The following CSRNP3 variants were observed in gnomAD, a reference collection of about 807,000 sequenced individuals.
CSRNP3 encodes cysteine and serine rich nuclear protein 3, also known as cysteine/serine-rich nuclear protein 3.
In CSRNP3, 12 loss-of-function variants were observed where a neutral mutation model predicts 48.0. That is an observed-to-expected ratio of 0.25 (90% CI 0.16 to 0.41). The LOEUF (loss-of-function observed/expected upper bound fraction) is 0.41. Ranked by LOEUF, CSRNP3 falls within the 10% of genes least tolerant of loss-of-function variation. The probability of loss-of-function intolerance (pLI) is 1.00; values close to 1 mark genes in which losing one functional copy is unlikely to be tolerated. For missense variants in CSRNP3, 580 were observed against 724.4 expected, an observed-to-expected ratio of 0.80 and a Z score of 2.29; for synonymous variants, 263 against 269.7, an observed-to-expected ratio of 0.98 and a Z score of 0.24.
At chr2:165,607,880 C>T (rs1246611295) in intron 4 of CSRNP3, among the ~76,000 whole-genome samples, 1 of 151,888 alleles carries the variant, frequency 6.6e-6, no homozygotes, top group Non-Finnish European at 1.5e-5. Flanking sequence ...TAACCTGTTT[C>T]TTCTTTCGCA....
At chr2:165,490,813 G>T (rs1684195209) in intron 1 of CSRNP3, among the ~76,000 whole-genome samples, 2 of 135,806 alleles carry the variant, frequency 1.5e-5, no homozygotes, top group African/African-American at 5.5e-5. Flanking sequence ...ATGGATTAAA[G>T]ATTTAAACGT....
chr2:165,622,619 TG>T (rs955242490), intron 4 of CSRNP3, among the ~76,000 whole-genome samples: 78 of 152,334 alleles, frequency 5.1e-4, no homozygotes, highest in African/African-American at 1.8e-3. Context: ...TTCTATCTTG[TG>T]TTTGAAGTTG....
chr2:165,660,909 G>C (rs1687086166), intron 5 of CSRNP3, among the ~76,000 whole-genome samples: 1 of 152,080 alleles, frequency 6.6e-6, no homozygotes, highest in African/African-American at 2.4e-5. Context: ...ATGACATTTT[G>C]AGATGATCCA....
intron 2 of CSRNP3, among the ~76,000 whole-genome samples, chr2:165,496,061 T>A (rs1189926262): frequency 1.3e-5 from 2 of 152,012 alleles, no homozygotes; most frequent in Non-Finnish European, 2.9e-5. Flanking sequence ...TTTTTAATCC[T>A]CCTCCCTCTC....
At chr2:165,480,781 TTA>T (rs869194707) in intron 1 of CSRNP3, among the ~76,000 whole-genome samples, 20 of 134,898 alleles carry the variant, frequency 1.5e-4, no homozygotes, top group East Asian at 1.5e-3. Context: ...ATTTTATATA[TTA>T]TATATATAAT....
At chr2:165,484,624 T>A (rs1684088803) in intron 1 of CSRNP3, among the ~76,000 whole-genome samples, 1 of 152,232 alleles carries the variant, frequency 6.6e-6, no homozygotes, top group Non-Finnish European at 1.5e-5. Context: ...ATGATCACTT[T>A]TGCTTGACTA....
At position 165,678,760 on chromosome 2, in the gene CSRNP3, T is replaced by G. The variant is rs770917614; in HGVS notation, c.765T>G (p.Gly255=). Residue 255 remains glycine, a synonymous_variant, in exon 7 of 7, where the codon GGT becomes GGG. Coordinates refer to ENST00000651982, the MANE Select transcript of CSRNP3 (RefSeq NM_001172173.2). ...AAGAAGGATGTAGTAACACAGCAGG[T>G]AGAATTGAATTTAATCCTATCCGTG... is the stretch of plus-strand genomic sequence containing the variant. ...CTKEGCSNTA[G]RIEFNPIRVR... The G allele has an allele frequency of 1.9e-6, 3 of 1,614,024 alleles. No homozygotes were observed. The highest frequency in any genetic ancestry group is 3.3e-4 in the Middle Eastern group (2 of 6,060).
intron 3 of CSRNP3, among the ~76,000 whole-genome samples, chr2:165,535,543 C>T (rs1026468162): frequency 5.3e-5 from 8 of 151,810 alleles, no homozygotes; most frequent in African/African-American, 1.9e-4. Context: ...GGCCTTCCGT[C>T]ATCAAGGATA....
chr2:165,554,327 T>A lies in CSRNP3; in HGVS notation c.-24+36366T>A, dbSNP rs1685136194. ...CTCTTTTTCCTACCTGGGCTTTAAA[T>A]ATTATCTGTTCACTGGAAAATTTTT... On this transcript the variant is annotated intron_variant, in intron 3 of 6. Coordinates refer to ENST00000651982, the MANE Select transcript of CSRNP3 (RefSeq NM_001172173.2). Among the ~76,000 whole-genome samples the A allele has an allele frequency of 2.0e-5, 3 of 152,228 alleles. No homozygotes were observed. In the South Asian group the frequency reaches 6.2e-4, roughly 31 times the overall value.
At chr2:165,566,834 T>C (rs767609060) in intron 3 of CSRNP3, 5 of 151,960 alleles carry the variant, frequency 3.3e-5, no homozygotes, top group Non-Finnish European at 5.9e-5. Context: ...AACAATGAAC[T>C]TGGTTCCAAG....
intron 3 of CSRNP3, among the ~76,000 whole-genome samples, chr2:165,593,836 T>C (rs532627244): frequency 1.3e-5 from 2 of 152,148 alleles, no homozygotes; most frequent in Non-Finnish European, 2.9e-5. Context: ...AGATTGGACA[T>C]CCCTAATCTG....
intron 2 of CSRNP3, among the ~76,000 whole-genome samples, chr2:165,513,360 C>T (rs991861608): frequency 1.7e-4 from 26 of 152,140 alleles, no homozygotes; most frequent in African/African-American, 5.8e-4. Flanking sequence ...TGTTCATAGA[C>T]CATCATTCCC....
chr2:165,611,987 G>T (rs1293814926), intron 4 of CSRNP3, among the ~76,000 whole-genome samples: 1 of 151,896 alleles, frequency 6.6e-6, no homozygotes, highest in Non-Finnish European at 1.5e-5. Flanking sequence ...TATTTATAGT[G>T]CCCCAAAAGT....
chr2:165,647,646 T>G (rs1223771063), intron 4 of CSRNP3, among the ~76,000 whole-genome samples: 1 of 152,224 alleles, frequency 6.6e-6, no homozygotes, highest in African/African-American at 2.4e-5. Flanking sequence ...TTACATTTTT[T>G]GATTTTACAA....
At chr2:165,545,145 G>T (rs1223522460) in intron 3 of CSRNP3, among the ~76,000 whole-genome samples, 1 of 152,198 alleles carries the variant, frequency 6.6e-6, no homozygotes, top group Non-Finnish European at 1.5e-5. Context: ...TGGTGGTGTT[G>T]ACAAGCATAG....
chr2:165,562,418 T>C (rs998129423), intron 3 of CSRNP3, among the ~76,000 whole-genome samples: 1 of 152,186 alleles, frequency 6.6e-6, no homozygotes, highest in Admixed American at 6.5e-5. Flanking sequence ...CAGCTGCAAC[T>C]GGGGAAAAAT....
At chr2:165,625,263 C>T (rs1379704467) in intron 4 of CSRNP3, among the ~76,000 whole-genome samples, 2 of 151,936 alleles carry the variant, frequency 1.3e-5, no homozygotes, top group African/African-American at 4.8e-5. Flanking sequence ...CTACCCGGTT[C>T]TCAAAGAACC....
intron 3 of CSRNP3, among the ~76,000 whole-genome samples, chr2:165,576,283 T>G (rs1215811588): frequency 3.3e-5 from 5 of 151,926 alleles, no homozygotes; most frequent in Non-Finnish European, 7.4e-5. Context: ...ATTCAACAAT[T>G]TTTTCTTAAA....
At position 165,569,957 on chromosome 2, in the gene CSRNP3, G is replaced by A. The variant is rs57358477; in HGVS notation, c.-23-25086G>A. Among the ~76,000 whole-genome samples, 1,443 of 151,342 alleles carry A rather than the reference G, an allele frequency of 9.5e-3. 29 individuals are homozygous for A. Among genetic ancestry groups the A allele is most frequent in the African/African-American group, 0.033 (1,367 of 41,370 alleles). ...CTTATTATACTTGTTTGTCTGTGTT[G>A]TTAGAATAATTTATTTAAAAATTCT... On this transcript the variant is annotated intron_variant, in intron 3 of 6. Transcript: ENST00000651982.
Sources: allele counts gnomAD v4.1 joint callset (sites outside exome capture counted in the v4.1 genomes callset), GRCh38; gene constraint gnomAD v4.1.1; transcripts MANE v1.5; gene names NCBI Gene and HGNC (gene_info 2026-07-23, HGNC 2026-07-21).